The following IL1RAPL2 variants were observed in gnomAD, a reference collection of about 807,000 sequenced individuals.
IL1RAPL2 encodes X-linked interleukin-1 receptor accessory protein-like 2.
Under a neutral mutation model 44.1 loss-of-function variants are expected in IL1RAPL2, and 3 were observed. The ratio of observed to expected loss-of-function variants is 0.07; its 90% CI spans 0.03 to 0.18. The LOEUF (loss-of-function observed/expected upper bound fraction) is 0.18. Ranked by LOEUF, IL1RAPL2 falls within the 10% of genes least tolerant of loss-of-function variation. IL1RAPL2 has a pLI of 1.00. For missense variants in IL1RAPL2, 391 were observed against 496.4 expected (o/e 0.79, Z 2.02); for synonymous variants, 181 against 178.8 (o/e 1.01, Z -0.10).
intron 2 of IL1RAPL2, among the ~76,000 whole-genome samples, chrX:104,675,985 A>G (rs1235834953): frequency 1.9e-5 from 2 of 105,733 alleles, no homozygotes; most frequent in Non-Finnish European, 2.0e-5. Context: ...TTTTGAGTCT[A>G]TGTGTGTCTC....
At chrX:105,158,017 G>A (rs1239902888) in intron 2 of IL1RAPL2, among the ~76,000 whole-genome samples, 1 of 112,009 alleles carries the variant, frequency 8.9e-6, no homozygotes, top group Non-Finnish European at 1.9e-5. Flanking sequence ...TCTACAGTAA[G>A]GCTGTTTTTT....
chrX:105,328,659 T>A (rs1407352738), intron 5 of IL1RAPL2, among the ~76,000 whole-genome samples: 1 of 111,791 alleles, frequency 8.9e-6, no homozygotes. Context: ...TATGATAGAT[T>A]TACAGTCATG....
chrX:105,573,856 G>A (rs2037032240), intron 6 of IL1RAPL2, among the ~76,000 whole-genome samples: 1 of 111,652 alleles, frequency 9.0e-6, no homozygotes, highest in Non-Finnish European at 1.9e-5. Flanking sequence ...TATATAACTA[G>A]CAATTTAGGC....
intron 2 of IL1RAPL2, among the ~76,000 whole-genome samples, chrX:105,063,089 T>C (rs2032095149): frequency 9.0e-6 from 1 of 111,338 alleles, no homozygotes; most frequent in Admixed American, 9.6e-5. Context: ...TTTGAGGTTA[T>C]TTTCTAGATC....
chrX:105,448,017 A>G (rs2035987456), intron 5 of IL1RAPL2, among the ~76,000 whole-genome samples: 1 of 104,830 alleles, frequency 9.5e-6, no homozygotes. Flanking sequence ...ATACTATTCT[A>G]CGGTAAAAGG....
intron 2 of IL1RAPL2, among the ~76,000 whole-genome samples, chrX:104,798,086 C>T (rs1448731019): frequency 1.8e-5 from 2 of 111,778 alleles, no homozygotes; most frequent in Non-Finnish European, 3.8e-5. Context: ...GAATTTCGGT[C>T]TGTTCAACTC....
intron 6 of IL1RAPL2, among the ~76,000 whole-genome samples, chrX:105,681,390 T>C (rs1324919672): frequency 3.6e-5 from 4 of 111,740 alleles, no homozygotes; most frequent in Non-Finnish European, 7.5e-5. Context: ...GCCCCAACAA[T>C]AGCATAAAAG....
chrX:104,771,955 T>G (rs1288541514), intron 2 of IL1RAPL2, among the ~76,000 whole-genome samples: 2 of 112,028 alleles, frequency 1.8e-5, no homozygotes, highest in Non-Finnish European at 1.9e-5. Context: ...CTTTCTATAC[T>G]CTATGGATGT....
chrX:104,611,278 C>T (rs947825499), intron 1 of IL1RAPL2, among the ~76,000 whole-genome samples: 3 of 111,356 alleles, frequency 2.7e-5, no homozygotes, highest in East Asian at 2.8e-4. Context: ...CCCCCAGGTG[C>T]TCTGTCCCAG....
intron 2 of IL1RAPL2, among the ~76,000 whole-genome samples, chrX:104,767,771 C>T (rs1443948373): frequency 2.7e-5 from 3 of 111,544 alleles, no homozygotes; most frequent in Admixed American, 9.6e-5. Flanking sequence ...CAGGTGTGAA[C>T]GCCAGCAATG....
At chrX:104,706,098 G>A (rs1569300318) in intron 2 of IL1RAPL2, among the ~76,000 whole-genome samples, 1 of 111,233 alleles carries the variant, frequency 9.0e-6, no homozygotes, top group Non-Finnish European at 1.9e-5. Flanking sequence ...ATGATTAAGA[G>A]ATAGGGACCC....
At chrX:105,224,680 G>C (rs1229072315) in intron 3 of IL1RAPL2, among the ~76,000 whole-genome samples, 1 of 111,942 alleles carries the variant, frequency 8.9e-6, no homozygotes, top group Non-Finnish European at 1.9e-5. Flanking sequence ...CAGGAAATAA[G>C]GCCAAACCTT....
At chrX:104,891,177 T>A (rs1415114747) in intron 2 of IL1RAPL2, among the ~76,000 whole-genome samples, 1 of 111,871 alleles carries the variant, frequency 8.9e-6, no homozygotes, top group Non-Finnish European at 1.9e-5. Flanking sequence ...TTGGTACCAG[T>A]ACCATGCTGT....
chrX:105,542,736 A>AT (rs1193979046), intron 6 of IL1RAPL2, among the ~76,000 whole-genome samples: 11 of 49,041 alleles, frequency 2.2e-4, no homozygotes, highest in Middle Eastern at 0.012. Flanking sequence ...TATTTAATTT[A>AT]TTATTTTTTT....
chrX:105,192,422 T>C (rs914828830), intron 2 of IL1RAPL2, among the ~76,000 whole-genome samples: 1 of 111,861 alleles, frequency 8.9e-6, no homozygotes, highest in Non-Finnish European at 1.9e-5. Flanking sequence ...TACCTCAGCC[T>C]ATACTTCTTA....
At chrX:105,607,316 G>T (rs1305013577) in intron 6 of IL1RAPL2, among the ~76,000 whole-genome samples, 2 of 109,245 alleles carry the variant, frequency 1.8e-5, no homozygotes, top group Non-Finnish European at 3.8e-5. Context: ...TTAAGAATCA[G>T]TTTGGCTTTT....
chrX:104,828,374 CAGTT>C (rs776648765), intron 2 of IL1RAPL2, among the ~76,000 whole-genome samples: 7 of 112,108 alleles, frequency 6.2e-5, no homozygotes, highest in Admixed American at 9.4e-5. Context: ...TTTCTTCTAA[CAGTT>C]AGGCTCCTCT....
At chrX:104,936,188 C>T (rs997165245) in intron 2 of IL1RAPL2, among the ~76,000 whole-genome samples, 5 of 111,913 alleles carry the variant, frequency 4.5e-5, no homozygotes, top group Non-Finnish European at 9.4e-5. Flanking sequence ...TTCCCTTCTC[C>T]TGTTCCAAAA....
intron 2 of IL1RAPL2, among the ~76,000 whole-genome samples, chrX:104,838,293 T>C (rs1228715698): frequency 2.7e-5 from 3 of 112,074 alleles, no homozygotes; most frequent in African/African-American, 9.7e-5. Context: ...GGGAATAGCA[T>C]TGAATCTATA....
Sources: allele counts gnomAD v4.1 joint callset (sites outside exome capture counted in the v4.1 genomes callset), GRCh38; gene constraint gnomAD v4.1.1; transcripts MANE v1.5; gene names NCBI Gene and HGNC (gene_info 2026-07-23, HGNC 2026-07-21).